The following LIPA variants were observed in gnomAD, a reference collection of about 807,000 sequenced individuals.
LIPA encodes lysosomal acid lipase/cholesteryl ester hydrolase.
In LIPA, 26 loss-of-function variants were observed where a neutral mutation model predicts 40.6. The observed-to-expected ratio is 0.64, with a 90% CI of 0.47 to 0.89. The LOEUF is 0.89. LIPA is among the 40% of genes least tolerant of loss of function. The probability of loss-of-function intolerance (pLI) is 0.00; values close to 1 mark genes in which losing one functional copy is unlikely to be tolerated. For missense variants in LIPA, 455 were observed against 479.6 expected, an observed-to-expected ratio of 0.95 and a Z score of 0.48; for synonymous variants, 188 against 168.4, an observed-to-expected ratio of 1.12 and a Z score of -0.90.
chr10:89,251,209 T>C (rs753308263), intron 1 of LIPA, among the ~76,000 whole-genome samples: 1 of 152,226 alleles, frequency 6.6e-6, no homozygotes, highest in Non-Finnish European at 1.5e-5. Context: ...ATTAATTCCA[T>C]TTTTCAGGAA....
chr10:89,361,626 T>A (rs1844022065), intron 2 of LIPA, among the ~76,000 whole-genome samples: 1 of 152,170 alleles, frequency 6.6e-6, no homozygotes, highest in Non-Finnish European at 1.5e-5. Context: ...CTAATCTAAG[T>A]CACTGGCAGA....
chr10:89,400,590 A>G (rs1441473653), intron 2 of LIPA, among the ~76,000 whole-genome samples: 4 of 152,168 alleles, frequency 2.6e-5, no homozygotes, highest in Admixed American at 2.0e-4. Flanking sequence ...AATTGTTACT[A>G]TATAGAAATA....
rs574634263 is a variant in LIPA at position 89,351,988 on chromosome 10, C to T, written c.61+60803G>A. Among the ~76,000 whole-genome samples, 9 of 152,272 alleles carry T rather than the reference C, an allele frequency of 5.9e-5. No homozygotes were observed. In the South Asian group the frequency reaches 1.9e-3, roughly 32 times the overall value. The stretch of plus-strand genomic sequence containing the variant: ...ATATACCCCCTCTTGGCCACGGGGA[C>T]CCCAGGGAAACCTTAAAAACTGAGT... On this transcript the variant is annotated intron_variant, in intron 2 of 8. Coordinates refer to the LIPA transcript ENST00000371837.
intron 2 of LIPA, among the ~76,000 whole-genome samples, chr10:89,377,355 A>G (rs1013168853): frequency 5.3e-5 from 8 of 152,214 alleles, no homozygotes; most frequent in African/African-American, 1.7e-4. Context: ...ACTACATTGC[A>G]TATGTTTCTC....
intron 2 of LIPA, chr10:89,404,283 TCTTG>T (rs1844494052): frequency 6.6e-6 from 1 of 152,574 alleles, no homozygotes; most frequent in Admixed American, 6.6e-5. Flanking sequence ...TCCCCTCCCC[TCTTG>T]CGGTTTCCAC....
intron 2 of LIPA, among the ~76,000 whole-genome samples, chr10:89,361,219 T>C (rs1844019743): frequency 6.6e-6 from 1 of 152,204 alleles, no homozygotes; most frequent in Non-Finnish European, 1.5e-5. Flanking sequence ...AAAGGAGTAG[T>C]TGGCTCAAAA....
chr10:89,392,635 A>G, intron 2 of LIPA: 2 of 1,528,264 alleles, frequency 1.3e-6, no homozygotes, highest in Non-Finnish European at 1.8e-6. Context: ...CTGAAAATCC[A>G]CAAGACAGAA....
chr10:89,322,896 T>C (rs1040770379), intron 1 of LIPA, among the ~76,000 whole-genome samples: 1 of 152,158 alleles, frequency 6.6e-6, no homozygotes, highest in East Asian at 1.9e-4. Flanking sequence ...CTGCCACTGG[T>C]TGCCAGGCAG....
chr10:89,332,570 A>ATCAACCGGGTAACCAAATCAGT, intron 1 of LIPA: 2 of 1,614,026 alleles, frequency 1.2e-6, no homozygotes, highest in South Asian at 2.2e-5. Flanking sequence ...AGTAAGCTAA[A>ATCAACCGGGTAACCAAATCAGT]AACAAAATCA....
In LIPA at chr10:89,402,783, G is replaced by A. The variant is rs775681041; in HGVS notation, c.61+10008C>T. On this transcript the variant is annotated intron_variant, in intron 2 of 8. Coordinates refer to the LIPA transcript ENST00000371837. ...GGCCTGCTTTGAAAAGGTGCTTGAA[G>A]TGGACCCTGAAAACCCTGAATCCAG... is the stretch of plus-strand genomic sequence containing the variant. 9 of 1,614,124 alleles carry A rather than the reference G, an allele frequency of 5.6e-6. No homozygotes were observed. In the East Asian group the frequency reaches 1.8e-4, roughly 32 times the overall value.
chr10:89,368,604 T>C (rs910558489), intron 2 of LIPA, among the ~76,000 whole-genome samples: 5 of 152,240 alleles, frequency 3.3e-5, no homozygotes, highest in African/African-American at 1.2e-4. Context: ...ATATTTAATA[T>C]TTGCTTTAAA....
intron 1 of LIPA, among the ~76,000 whole-genome samples, chr10:89,304,579 G>A (rs1843466223): frequency 6.6e-6 from 1 of 152,056 alleles, no homozygotes; most frequent in African/African-American, 2.4e-5. Context: ...CCTGATACAA[G>A]GGTTGCTGTA....
chr10:89,359,391 G>C (rs1844007044), intron 2 of LIPA, among the ~76,000 whole-genome samples: 1 of 152,248 alleles, frequency 6.6e-6, no homozygotes, highest in Non-Finnish European at 1.5e-5. Flanking sequence ...ATTGGTGAGA[G>C]AGATTCACTA....
In LIPA at chr10:89,228,193, T is replaced by C. The variant is rs2133436002; in HGVS notation, c.428+7A>G. 1.9e-6 allele frequency: 3 copies of C among 1,610,702 alleles called. No homozygotes were observed. Among genetic ancestry groups the C allele is most frequent in the South Asian group, 1.1e-5 (1 of 90,998 alleles). ...ATACATCCATGCCATTATCAATTCA[T>C]ATATACCTGAAAGCCCAGAATTCAT... On this transcript the variant is annotated splice_region_variant and intron_variant, in intron 4 of 9. Transcript: ENST00000336233.
At chr10:89,273,070 A>C (rs1843273681) in intron 1 of LIPA, among the ~76,000 whole-genome samples, 1 of 152,252 alleles carries the variant, frequency 6.6e-6, no homozygotes, top group Non-Finnish European at 1.5e-5. Context: ...AAAAGAAAGA[A>C]GTTATAAACA....
chr10:89,289,487 C>T (rs959736058), intron 1 of LIPA, among the ~76,000 whole-genome samples: 1 of 152,156 alleles, frequency 6.6e-6, no homozygotes, highest in South Asian at 2.1e-4. Flanking sequence ...AACTAAAATC[C>T]CTTTTGGTCT....
chr10:89,389,918 G>A (rs1844233578), intron 2 of LIPA, among the ~76,000 whole-genome samples: 1 of 151,618 alleles, frequency 6.6e-6, no homozygotes. Context: ...GATAATTGAG[G>A]CCCTGGTTCC....
In LIPA at chr10:89,285,502, G is replaced by C. The variant is rs548377582; in HGVS notation, c.-1-37853C>G. Among the ~76,000 whole-genome samples, 11 of 152,286 alleles carry C rather than the reference G, an allele frequency of 7.2e-5. No homozygotes were observed. In the East Asian group the frequency reaches 2.1e-3, roughly 29 times the overall value. On this transcript the variant is annotated intron_variant, in intron 1 of 5. Coordinates refer to the LIPA transcript ENST00000282673. The stretch of plus-strand genomic sequence containing the variant: ...TTAATCACTGCAGAGATGCCTGCCT[G>C]ATTATTCACCCACATTTCATTGGTG...
chr10:89,253,814 A>G (rs572024761), upstream of LIPA, among the ~76,000 whole-genome samples: 2 of 152,342 alleles, frequency 1.3e-5, no homozygotes, highest in South Asian at 4.1e-4. Context: ...CCTGTTTCAA[A>G]TGGGAGAAAC....
Sources: gnomAD v4.1 joint callset for allele counts (sites outside exome capture counted in the v4.1 genomes callset) on GRCh38, gnomAD v4.1.1 for gene constraint, MANE v1.5 for transcripts, NCBI Gene and HGNC (gene_info 2026-07-23, HGNC 2026-07-21) for gene names.